ME3: variants seen among roughly 807,000 people sequenced by gnomAD.
ME3 encodes the protein NADP-dependent malic enzyme, mitochondrial.
In ME3, 48 loss-of-function variants were observed where a neutral mutation model predicts 68.9. The observed-to-expected ratio is 0.70, with a 90% CI of 0.55 to 0.89. The LOEUF is 0.89. Ranked by LOEUF, ME3 falls within the 40% of genes least tolerant of loss-of-function variation. The pLI is 0.00. For missense variants in ME3, 675 were observed against 797.4 expected (o/e 0.85, Z 1.85); for synonymous variants, 320 against 318.8 (o/e 1.00, Z -0.04).
intron 2 of ME3, among the ~76,000 whole-genome samples, chr11:86,648,885 G>C (rs755911990): frequency 6.6e-6 from 1 of 152,178 alleles, no homozygotes; most frequent in Non-Finnish European, 1.5e-5. Context: ...AATTCCACCA[G>C]AGGTACAAAG....
At chr11:86,555,012 G>A (rs548534806) in intron 4 of ME3, among the ~76,000 whole-genome samples, 21 of 152,270 alleles carry the variant, frequency 1.4e-4, no homozygotes, top group Admixed American at 7.2e-4. Flanking sequence ...GGAGGGCTCC[G>A]TGGAGAAGTT....
rs769473137 is a variant in ME3 at position 86,487,407 on chromosome 11, TCAGGCCGATGTA to T, written c.727_738del (p.Tyr243_Leu246del). 3 of 1,613,964 alleles carry T rather than the reference TCAGGCCGATGTA, an allele frequency of 1.9e-6. No individual in the cohort carries two copies. In the African/African-American group the frequency reaches 4.0e-5, roughly 22 times the overall value. On this transcript the variant is annotated inframe_deletion, in exon 7 of 15. Transcript: ENST00000543262. ...GCCTTCCCGTGCACGCGCTGGTGTTTCAGGCCGATGTACAGAGGGTCTCTGAGCAGCTCCTGG... is the reference window on the plus strand; with the variant it reads ...GCCTTCCCGTGCACGCGCTGGTGTTTCAGAGGGTCTCTGAGCAGCTCCTGG...
chr11:86,446,571 G>A, intron 12 of ME3, 84 bp from the exon 13 acceptor site: 1 of 1,358,914 alleles, frequency 7.4e-7, no homozygotes, highest in Non-Finnish European at 1.0e-6. Context: ...TCCAAATGTT[G>A]GACCCTTCTT....
chr11:86,662,542 A>C (rs915049189), intron 2 of ME3, among the ~76,000 whole-genome samples: 6 of 152,160 alleles, frequency 3.9e-5, no homozygotes, highest in Admixed American at 6.5e-5. Flanking sequence ...GGCTGCAGTG[A>C]ACTATGATTG....
intron 4 of ME3, among the ~76,000 whole-genome samples, chr11:86,538,266 G>C (rs1216072615): frequency 6.6e-6 from 1 of 152,184 alleles, no homozygotes; most frequent in East Asian, 1.9e-4. Flanking sequence ...GAATAGAATA[G>C]ATTCAGGTTT....
At chr11:86,533,490 G>A (rs1354671972) in intron 4 of ME3, among the ~76,000 whole-genome samples, 2 of 152,146 alleles carry the variant, frequency 1.3e-5, no homozygotes, top group Non-Finnish European at 2.9e-5. Context: ...TAAGGAGATT[G>A]AATCAGTGAT....
At chr11:86,638,764 C>A (rs546044136) in intron 2 of ME3, among the ~76,000 whole-genome samples, 2 of 152,302 alleles carry the variant, frequency 1.3e-5, no homozygotes, top group East Asian at 3.9e-4. Flanking sequence ...AGATAGCAAA[C>A]TTCAGGAAAG....
At chr11:86,550,736 G>T (rs774747007) in intron 4 of ME3, among the ~76,000 whole-genome samples, 2 of 152,208 alleles carry the variant, frequency 1.3e-5, no homozygotes, top group Non-Finnish European at 2.9e-5. Flanking sequence ...GTGTTTGTGT[G>T]TATTCCCAAC....
intron 2 of ME3, 120 bp downstream of exon 2, chr11:86,671,634 CAAGGCAAA>C: frequency 8.4e-7 from 1 of 1,188,032 alleles, no homozygotes; most frequent in South Asian, 1.4e-5. Context: ...CAAGCCCCTG[CAAGGCAAA>C]AACAGAAAAA....
chr11:86,467,740 A>G (rs1950564930), intron 7 of ME3, among the ~76,000 whole-genome samples: 2 of 151,502 alleles, frequency 1.3e-5, no homozygotes, highest in Non-Finnish European at 2.9e-5. Flanking sequence ...CCATTCATTC[A>G]CTGAGGTAAA....
chr11:86,623,397 C>A (rs1244380215), intron 2 of ME3, among the ~76,000 whole-genome samples: 1 of 152,220 alleles, frequency 6.6e-6, no homozygotes, highest in African/African-American at 2.4e-5. Context: ...GGTGCTCCAA[C>A]TTGCAGATGG....
intron 4 of ME3, 39 bp from the exon 5 acceptor site, chr11:86,508,906 C>T: frequency 1.3e-6 from 2 of 1,540,702 alleles, no homozygotes; most frequent in Non-Finnish European, 1.8e-6. Flanking sequence ...AGAAACCAGG[C>T]AGTCAGATTA....
At chr11:86,575,642 C>G (rs900604166) in intron 2 of ME3, among the ~76,000 whole-genome samples, 2 of 151,778 alleles carry the variant, frequency 1.3e-5, no homozygotes, top group Admixed American at 6.6e-5. Context: ...CGTGCTCCCC[C>G]CCAGGTTGGG....
intron 4 of ME3, among the ~76,000 whole-genome samples, chr11:86,554,490 A>G (rs541008698): frequency 6.6e-6 from 1 of 152,378 alleles, no homozygotes; most frequent in Admixed American, 6.5e-5. Flanking sequence ...AAACATGCAT[A>G]TGTATAATAT....
chr11:86,651,962 G>A (rs11494278), intron 2 of ME3, among the ~76,000 whole-genome samples: 52,602 of 152,162 alleles, frequency 0.35, 10,915 homozygotes, highest in Non-Finnish European at 0.46. Context: ...AGCCTCAGTA[G>A]CCGATTCGAT....
At chr11:86,529,172 G>A (rs949977471) in intron 4 of ME3, among the ~76,000 whole-genome samples, 1 of 152,030 alleles carries the variant, frequency 6.6e-6, no homozygotes, top group African/African-American at 2.4e-5. Flanking sequence ...TGATAAAGGG[G>A]ATATCACCAC....
chr11:86,482,802 A>G (rs564715646), intron 7 of ME3, among the ~76,000 whole-genome samples: 1 of 151,966 alleles, frequency 6.6e-6, no homozygotes, highest in South Asian at 2.1e-4. Flanking sequence ...GAGGAGCCCA[A>G]CCTTTCCAGT....
intron 2 of ME3, among the ~76,000 whole-genome samples, chr11:86,564,412 A>C (rs1457921610): frequency 6.6e-6 from 1 of 150,984 alleles, no homozygotes; most frequent in Non-Finnish European, 1.5e-5. Flanking sequence ...CCGAACAGCC[A>C]AAATCTTTTT....
intron 2 of ME3, among the ~76,000 whole-genome samples, chr11:86,629,813 C>T (rs1460760952): frequency 3.9e-5 from 6 of 152,178 alleles, no homozygotes; most frequent in African/African-American, 2.4e-5. Context: ...ACTACCCACC[C>T]GCTGCTGCCA....
Sources: gnomAD v4.1 joint callset for allele counts (sites outside exome capture counted in the v4.1 genomes callset) on GRCh38, gnomAD v4.1.1 for gene constraint, MANE v1.5 for transcripts, NCBI Gene and HGNC (gene_info 2026-07-23, HGNC 2026-07-21) for gene names.